The following COG5 variants were observed in gnomAD, a reference collection of about 807,000 sequenced individuals.
The protein encoded by COG5 is component of oligomeric golgi complex 5, also known as conserved oligomeric Golgi complex subunit 5.
A neutral mutation model predicts 110.4 loss-of-function variants in COG5; 86 were observed. That is an observed-to-expected ratio of 0.78 (90% CI 0.65 to 0.93). COG5 has a LOEUF of 0.93. COG5 is among the 40% of genes least tolerant of loss of function. The pLI, the probability that COG5 is intolerant of heterozygous loss-of-function variation, is 0.00. For synonymous variants in COG5, 360 were observed against 334.6 expected, an observed-to-expected ratio of 1.08 and a Z score of -0.83; for missense variants, 1,077 against 987.0, an observed-to-expected ratio of 1.09 and a Z score of -1.22.
chr7:107,370,802 T>C (rs1054655857), intron 8 of COG5, among the ~76,000 whole-genome samples: 2 of 143,406 alleles, frequency 1.4e-5, no homozygotes, highest in South Asian at 4.4e-4. Flanking sequence ...AAAAAAAAAT[T>C]TATATATATA....
intron 7 of COG5, among the ~76,000 whole-genome samples, chr7:107,402,773 T>C (rs745762224): frequency 6.6e-6 from 1 of 152,152 alleles, no homozygotes; most frequent in Non-Finnish European, 1.5e-5. Context: ...TTGAAAAATG[T>C]TTTTTCTAAT....
intron 6 of COG5, among the ~76,000 whole-genome samples, chr7:107,441,578 C>T (rs1485042469): frequency 6.6e-6 from 1 of 152,184 alleles, no homozygotes; most frequent in Non-Finnish European, 1.5e-5. Flanking sequence ...TCCCCTGACT[C>T]CAAGTGTATG....
intron 6 of COG5, among the ~76,000 whole-genome samples, chr7:107,497,348 T>C (rs540789800): frequency 8.5e-5 from 13 of 152,248 alleles, no homozygotes; most frequent in African/African-American, 3.1e-4. Flanking sequence ...AAAAGGAAAG[T>C]AGTAAAACTG....
intron 16 of COG5, among the ~76,000 whole-genome samples, chr7:107,255,257 C>G (rs1802799044): frequency 6.6e-6 from 1 of 152,022 alleles, no homozygotes; most frequent in Non-Finnish European, 1.5e-5. Context: ...ATATGCCAAC[C>G]TTACTAAAAA....
At chr7:107,489,569 GA>G (rs1334749321) in intron 6 of COG5, among the ~76,000 whole-genome samples, 1 of 151,970 alleles carries the variant, frequency 6.6e-6, no homozygotes, top group Non-Finnish European at 1.5e-5. Flanking sequence ...GAAAGTCCAA[GA>G]AAACAAGTTC....
chr7:107,445,852 CAACA>C (rs1794975908), intron 6 of COG5, among the ~76,000 whole-genome samples: 1 of 152,086 alleles, frequency 6.6e-6, no homozygotes, highest in South Asian at 2.1e-4. Context: ...CAAGACACAC[CAACA>C]AACAAAAGAG....
intron 6 of COG5, among the ~76,000 whole-genome samples, chr7:107,458,441 T>C (rs186095668): frequency 6.6e-6 from 1 of 152,348 alleles, no homozygotes; most frequent in Admixed American, 6.5e-5. Flanking sequence ...ATAGAAATTA[T>C]ATTGTATTAA....
intron 6 of COG5, among the ~76,000 whole-genome samples, chr7:107,516,774 G>T (rs370458506): frequency 6.6e-6 from 1 of 152,232 alleles, no homozygotes; most frequent in Admixed American, 6.5e-5. Flanking sequence ...AGAGGGGTCC[G>T]TTGGAAGAAA....
At chr7:107,204,970 C>T (rs1474287381) in intron 21 of COG5, among the ~76,000 whole-genome samples, 10 of 152,180 alleles carry the variant, frequency 6.6e-5, no homozygotes, top group South Asian at 6.2e-4. Flanking sequence ...CCTCCTACAC[C>T]GAAACAATTA....
intron 18 of COG5, 95 bp downstream of exon 18, chr7:107,236,355 A>C (rs1410250554): frequency 3.2e-6 from 3 of 946,582 alleles, no homozygotes; most frequent in Non-Finnish European, 3.5e-6. Flanking sequence ...TTGTGCTGCA[A>C]CTCTTTAAAA....
chr7:107,427,025 T>A (rs1015208125), intron 6 of COG5, among the ~76,000 whole-genome samples: 1 of 152,186 alleles, frequency 6.6e-6, no homozygotes, highest in Non-Finnish European at 1.5e-5. Flanking sequence ...CTGACTACTA[T>A]TCGATAATAT....
At chr7:107,278,272 T>C (rs1369510947) in intron 14 of COG5, among the ~76,000 whole-genome samples, 1 of 152,072 alleles carries the variant, frequency 6.6e-6, no homozygotes, top group East Asian at 1.9e-4. Context: ...TCGTTTCTGT[T>C]CTTTTCTTTT....
chr7:107,397,228 T>C (rs1324274388), intron 7 of COG5, among the ~76,000 whole-genome samples: 3 of 152,198 alleles, frequency 2.0e-5, no homozygotes, highest in African/African-American at 7.2e-5. Flanking sequence ...ACAACACCTT[T>C]TGACTCACAA....
chr7:107,527,212 TA>T, intron 6 of COG5, 24 bp downstream of exon 6: 1 of 1,492,688 alleles, frequency 6.7e-7, no homozygotes, highest in Non-Finnish European at 9.0e-7. Flanking sequence ...ACTAACTTTT[TA>T]TTTAAAAAAA....
At chr7:107,507,327 G>A (rs1229431577) in intron 6 of COG5, among the ~76,000 whole-genome samples, 4 of 140,396 alleles carry the variant, frequency 2.8e-5, no homozygotes, top group African/African-American at 5.3e-5. Flanking sequence ...ATGGAGTCTC[G>A]CTGTCACCCA....
chr7:107,209,155 G>T, intron 21 of COG5: 1 of 985,518 alleles, frequency 1.0e-6, no homozygotes, highest in Non-Finnish European at 1.2e-6. Flanking sequence ...GCTAACAAAG[G>T]ATCACTGGGT....
chr7:107,298,369 G>A (rs1359940558), intron 11 of COG5, 23 bp from the exon 12 acceptor site: 2 of 1,576,836 alleles, frequency 1.3e-6, no homozygotes, highest in Non-Finnish European at 1.7e-6. Flanking sequence ...ACAAGAACAT[G>A]AATTAGAAAA....
chr7:107,413,968 T>G (rs1420974846), intron 6 of COG5, among the ~76,000 whole-genome samples: 1 of 152,226 alleles, frequency 6.6e-6, no homozygotes, highest in African/African-American at 2.4e-5. Flanking sequence ...ATTAAAATCC[T>G]GGTCTTTCTG....
Position 107,474,888 on chromosome 7 carries a change from T to A in COG5, c.538+52349A>T. On this transcript the variant is annotated intron_variant, in intron 6 of 21. Coordinates refer to ENST00000297135, the MANE Select transcript of COG5 (RefSeq NM_006348.5). The surrounding 1 kb of genome is among the most constrained non-coding windows in gnomAD (Gnocchi z 5.7). ...CTACAGACATGTCACAAAGCAGTGG[T>A]GGGAGAAATGTAGTCTTTGGTGTAA... is the stretch of plus-strand genomic sequence containing the variant. 1 of 1,613,218 alleles carries A rather than the reference T, an allele frequency of 6.2e-7. No homozygotes were observed. Among genetic ancestry groups the A allele is most frequent in the Non-Finnish European group, 8.5e-7 (1 of 1,179,516 alleles).
Sources: gnomAD v4.1 joint callset for allele counts (sites outside exome capture counted in the v4.1 genomes callset) on GRCh38, gnomAD v4.1.1 for gene constraint, Gnocchi (gnomAD v3.1) non-coding constraint, MANE v1.5 for transcripts, NCBI Gene and HGNC (gene_info 2026-07-23, HGNC 2026-07-21) for gene names.